The following KCNK10 variants were observed in gnomAD, a reference collection of about 807,000 sequenced individuals.
KCNK10 encodes potassium two pore domain channel subfamily K member 10.
In KCNK10, 25 loss-of-function variants were observed where a neutral mutation model predicts 47.7. That is an observed-to-expected ratio of 0.52 (90% CI 0.38 to 0.73). KCNK10 has a LOEUF of 0.73. Among genes scored for constraint, KCNK10 ranks in the 30% least tolerant of loss-of-function variants. The probability of loss-of-function intolerance (pLI) is 0.00; values close to 1 mark genes in which losing one functional copy is unlikely to be tolerated. For missense variants in KCNK10, 563 were observed against 714.5 expected (o/e 0.79, Z 2.42); for synonymous variants, 303 against 285.6 (o/e 1.06, Z -0.61).
chr14:88,302,341 G>A (rs753616969), intron 1 of KCNK10, among the ~76,000 whole-genome samples: 1 of 152,156 alleles, frequency 6.6e-6, no homozygotes, highest in Non-Finnish European at 1.5e-5. Context: ...TAACTATTTG[G>A]GCATTCCACC....
intron 1 of KCNK10, among the ~76,000 whole-genome samples, chr14:88,298,544 T>C (rs1218508622): frequency 6.6e-6 from 1 of 152,198 alleles, no homozygotes; most frequent in Non-Finnish European, 1.5e-5. Flanking sequence ...GACTCCACTA[T>C]GCCAGTGGCT....
chr14:88,241,021 T>A (rs1338746027), intron 2 of KCNK10, among the ~76,000 whole-genome samples: 2 of 152,112 alleles, frequency 1.3e-5, no homozygotes, highest in Non-Finnish European at 2.9e-5. Flanking sequence ...AAATTAGTGT[T>A]AAATAGGGGG....
At chr14:88,211,055 C>T (rs1885441490) in intron 4 of KCNK10, among the ~76,000 whole-genome samples, 1 of 152,104 alleles carries the variant, frequency 6.6e-6, no homozygotes, top group African/African-American at 2.4e-5. Context: ...TTTATACACC[C>T]ATGTTCATAG....
chr14:88,221,773 G>A (rs561086748), intron 4 of KCNK10, among the ~76,000 whole-genome samples: 32 of 152,242 alleles, frequency 2.1e-4, no homozygotes, highest in African/African-American at 5.8e-4. Flanking sequence ...AGCTTTATTC[G>A]TAATTACCAA....
intron 4 of KCNK10, among the ~76,000 whole-genome samples, chr14:88,212,065 A>T (rs961021082): frequency 6.7e-6 from 1 of 149,474 alleles, no homozygotes; most frequent in Non-Finnish European, 1.5e-5. Flanking sequence ...AATATCCTTG[A>T]TCCCCACACA....
intron 1 of KCNK10, among the ~76,000 whole-genome samples, 164 bp from the exon 2 acceptor site, chr14:88,263,715 A>C (rs1421001962): frequency 1.3e-5 from 2 of 152,174 alleles, no homozygotes; most frequent in South Asian, 4.1e-4. Context: ...ATCAGTTGCT[A>C]GGTACCCATT....
chr14:88,281,749 TATAC>T lies in KCNK10; in HGVS notation c.53-18202_53-18199del, dbSNP rs1459363510. 2.1e-5 allele frequency among the ~76,000 whole-genome samples: 3 copies of T among 142,702 alleles called. No homozygotes were observed. In the East Asian group the frequency reaches 6.7e-4, roughly 32 times the overall value. The allele number at this position is 142,702 out of a possible 152,430, so 93.6% of individuals were successfully genotyped here. ...CTCCATATATATATATATATATATA[TATAC>T]ACATACACACACACACATACATATG... On this transcript the variant is annotated intron_variant, in intron 1 of 6. Transcript: ENST00000319231.
intron 1 of KCNK10, among the ~76,000 whole-genome samples, chr14:88,296,978 T>C (rs1287269346): frequency 6.6e-6 from 1 of 152,234 alleles, no homozygotes; most frequent in Non-Finnish European, 1.5e-5. Flanking sequence ...ATATTGCTAG[T>C]AAGACACATT....
intron 1 of KCNK10, among the ~76,000 whole-genome samples, chr14:88,267,070 G>A (rs1038393768): frequency 1.3e-5 from 2 of 152,218 alleles, no homozygotes; most frequent in African/African-American, 4.8e-5. Context: ...GTGACAGCAT[G>A]ACCTCGAAAC....
At chr14:88,280,426 C>T (rs1486236714) in intron 1 of KCNK10, among the ~76,000 whole-genome samples, 1 of 152,154 alleles carries the variant, frequency 6.6e-6, no homozygotes, top group African/African-American at 2.4e-5. Context: ...TATCCTCTCC[C>T]TGTGTAATCC....
chr14:88,190,720 C>A (rs1431774281), intron 5 of KCNK10, among the ~76,000 whole-genome samples: 1 of 152,176 alleles, frequency 6.6e-6, no homozygotes, highest in Non-Finnish European at 1.5e-5. Context: ...CCTATTATTT[C>A]TACAAAGTGG....
chr14:88,275,113 C>A (rs1887499099), intron 1 of KCNK10, among the ~76,000 whole-genome samples: 1 of 152,206 alleles, frequency 6.6e-6, no homozygotes, highest in Admixed American at 6.5e-5. Context: ...CCTGAGGACA[C>A]TGTGCTGTCA....
At chr14:88,311,999 G>T (rs1238116861) in intron 1 of KCNK10, among the ~76,000 whole-genome samples, 1 of 152,024 alleles carries the variant, frequency 6.6e-6, no homozygotes, top group Non-Finnish European at 1.5e-5. Flanking sequence ...AATGTGACTG[G>T]GGCCCCAGGC....
intron 4 of KCNK10, among the ~76,000 whole-genome samples, chr14:88,222,290 G>A (rs1043393704): frequency 6.6e-6 from 1 of 152,178 alleles, no homozygotes; most frequent in Non-Finnish European, 1.5e-5. Flanking sequence ...AATTCTGGGA[G>A]ATATAAGTTG....
At chr14:88,268,299 C>A (rs1423784448) in intron 1 of KCNK10, among the ~76,000 whole-genome samples, 1 of 152,186 alleles carries the variant, frequency 6.6e-6, no homozygotes, top group Non-Finnish European at 1.5e-5. Flanking sequence ...AGCCCGGGAG[C>A]AACGTACCCG....
chr14:88,217,450 T>C (rs1416236660), intron 4 of KCNK10, among the ~76,000 whole-genome samples: 1 of 152,228 alleles, frequency 6.6e-6, no homozygotes, highest in Non-Finnish European at 1.5e-5. Flanking sequence ...TCATTACCAA[T>C]AGGTATTGGA....
intron 4 of KCNK10, among the ~76,000 whole-genome samples, chr14:88,218,546 G>T (rs1231129989): frequency 6.6e-6 from 1 of 151,246 alleles, no homozygotes; most frequent in South Asian, 2.1e-4. Flanking sequence ...TCCTTGGGGC[G>T]GGGGGAAAGC....
chr14:88,205,999 C>G (rs570944424), intron 4 of KCNK10, among the ~76,000 whole-genome samples: 3 of 152,142 alleles, frequency 2.0e-5, no homozygotes, highest in African/African-American at 7.2e-5. Flanking sequence ...AGTAAAGGTA[C>G]ATAACATAGA....
rs545826057 is a variant in KCNK10 at position 88,229,568 on chromosome 14, G to T, written c.521-2033C>A. ...AAAATAATATTAAAGCTAAGTTCTT[G>T]GGTAAGAGCATGAGTGATGCAATAC... On this transcript the variant is annotated intron_variant, in intron 3 of 6. Transcript: ENST00000319231. 2.8e-4 allele frequency among the ~76,000 whole-genome samples: 43 copies of T among 152,104 alleles called. 1 individual carries two copies. The highest frequency in any genetic ancestry group is 1.0e-3 in the African/African-American group (43 of 41,504).
Sources: gnomAD v4.1 joint callset for allele counts (sites outside exome capture counted in the v4.1 genomes callset) on GRCh38, gnomAD v4.1.1 for gene constraint, MANE v1.5 for transcripts, NCBI Gene and HGNC (gene_info 2026-07-23, HGNC 2026-07-21) for gene names.